The following CAPN7 variants were observed in gnomAD, a reference collection of about 807,000 sequenced individuals.
CAPN7 encodes calpain-7.
Under a neutral mutation model 115.2 loss-of-function variants are expected in CAPN7, and 72 were observed. The observed-to-expected ratio is 0.63, with a 90% CI of 0.52 to 0.76. The LOEUF (loss-of-function observed/expected upper bound fraction) is 0.76. Among genes scored for constraint, CAPN7 ranks in the 30% least tolerant of loss-of-function variants. CAPN7 has a pLI of 0.00. For synonymous variants in CAPN7, 344 were observed against 322.3 expected (o/e 1.07, Z -0.72); for missense variants, 905 against 971.5 (o/e 0.93, Z 0.91).
chr3:15,251,254 T>G lies in CAPN7; in HGVS notation c.2436T>G (p.Leu812=). ...NSIIPIKITQ[L]Q is the part of the protein sequence containing the mutation. ...TTATCCCCATCAAGATCACACAACT[T>G]CAGTGATGGAGAAATCTCAAGTTAC... Residue 812 remains leucine, a synonymous_variant, in exon 21 of 21, where the codon CTT becomes CTG. Coordinates refer to ENST00000253693, the MANE Select transcript of CAPN7 (RefSeq NM_014296.3). The G allele has an allele frequency of 6.3e-7, 1 of 1,583,580 alleles. No individual in the cohort carries two copies. Among genetic ancestry groups the G allele is most frequent in the Non-Finnish European group, 8.5e-7 (1 of 1,171,598 alleles).
chr3:15,245,777 G>A lies in CAPN7; in HGVS notation c.2010+106G>A, dbSNP rs556434780. 4.6e-4 allele frequency: 387 copies of A among 835,554 alleles called. 2 individuals carry two copies. The African/African-American group carries it at 5.0e-3, about 11-fold the overall frequency. The allele number at this position is 835,554 out of a possible 1,614,324, so 51.8% of individuals were successfully genotyped here. On this transcript the variant is annotated intron_variant, in intron 17 of 20. Coordinates refer to ENST00000253693, the MANE Select transcript of CAPN7 (RefSeq NM_014296.3). The stretch of plus-strand genomic sequence containing the variant: ...GGAGAAAAAGTTTATTTCTGAAAAT[G>A]TATTGCTCTCTTTTTTTGTGCTTAT...
At chr3:15,249,834 G>A (rs1017455249) in intron 19 of CAPN7, among the ~76,000 whole-genome samples, 6 of 149,844 alleles carry the variant, frequency 4.0e-5, no homozygotes, top group East Asian at 4.0e-4. Context: ...GTGTGATCTC[G>A]GCTCACTGCA....
rs1559413025 is a variant in CAPN7, at chr3:15,247,400, T to C, written c.2147T>C (p.Ile716Thr). 2 of 1,612,012 alleles carry C rather than the reference T, an allele frequency of 1.2e-6. No homozygotes were observed. Among genetic ancestry groups the C allele is most frequent in the Non-Finnish European group, 1.7e-6 (2 of 1,178,850 alleles). ...NFQETHKNNP[I>T]YQFHIEKTGP... is the part of the protein sequence containing the mutation. ...CAAGAGACTCACAAAAATAACCCCATCTACCAATTCCATATAGAAAAGACT... is the reference window on the plus strand; with the variant it reads ...CAAGAGACTCACAAAAATAACCCCACCTACCAATTCCATATAGAAAAGACT... The change falls in exon 19 of 21, where the codon ATC becomes ACC. Residue 716 changes from isoleucine (I) to threonine (T), a missense_variant. Ile to Thr is a moderately conservative substitution (Grantham distance 89, BLOSUM62 -1). Around this residue, in one of 3 missense-constraint regions of CAPN7, gnomAD observed 620 missense variants for 703.4 expected, o/e 0.88. Coordinates refer to ENST00000253693, the MANE Select transcript of CAPN7 (RefSeq NM_014296.3).
rs747464431 is a variant in CAPN7 at position 15,247,367 on chromosome 3, G to A, written c.2114G>A (p.Gly705Glu). The change falls in exon 19 of 21, where the codon GGA becomes GAA. Residue 705 changes from glycine (G) to glutamate (E), a missense_variant. By Grantham distance (98) the Gly-to-Glu change is moderately conservative. Around this residue, in one of 3 missense-constraint regions of CAPN7, gnomAD observed 620 missense variants for 703.4 expected, o/e 0.88. Coordinates refer to ENST00000253693, the MANE Select transcript of CAPN7 (RefSeq NM_014296.3). ...KWSGQSAGGCGNFQETHKNNP... is the reference protein window; with the variant it reads ...KWSGQSAGGCENFQETHKNNP... ...AGTGGTCAGAGTGCTGGAGGATGTG[G>A]AAATTTCCAAGAGACTCACAAAAAT... The A allele has an allele frequency of 6.2e-7, 1 of 1,609,936 alleles. No individual in the cohort carries two copies. The highest frequency in any genetic ancestry group is 1.1e-5 in the South Asian group (1 of 90,536).
chr3:15,245,501 T>A, intron 16 of CAPN7, 25 bp from the exon 17 acceptor site: 1 of 1,595,512 alleles, frequency 6.3e-7, no homozygotes, highest in South Asian at 1.1e-5. Flanking sequence ...TCTCCTTTTC[T>A]CTAAGCCTAC....
At chr3:15,249,646 T>C (rs1314561968) in intron 19 of CAPN7, among the ~76,000 whole-genome samples, 1 of 152,248 alleles carries the variant, frequency 6.6e-6, no homozygotes, top group Non-Finnish European at 1.5e-5. Flanking sequence ...TAAATGAATC[T>C]TTCCTTACTG....
chr3:15,208,890 G>A (rs1235729757), intron 1 of CAPN7, among the ~76,000 whole-genome samples: 1 of 152,116 alleles, frequency 6.6e-6, no homozygotes, highest in East Asian at 1.9e-4. Flanking sequence ...TTTTCTTTTA[G>A]AAAGATTATC....
chr3:15,249,787 G>C (rs1344915353), intron 19 of CAPN7, among the ~76,000 whole-genome samples: 2 of 148,276 alleles, frequency 1.3e-5, no homozygotes, highest in Non-Finnish European at 3.0e-5. Context: ...TTTTTTTTGA[G>C]ACAGAGTCTT....
chr3:15,251,331 C>A lies in CAPN7; in HGVS notation c.*71C>A. On this transcript the variant is annotated 3_prime_UTR_variant, in exon 21 of 21. Transcript: ENST00000253693. ...TTCTTCAAATAAGGACGCAAATCTT[C>A]AGGACAGTAAGCAGAACAATCAGAA... The A allele has an allele frequency of 8.1e-7, 1 of 1,238,640 alleles. No individual in the cohort carries two copies. Among genetic ancestry groups the A allele is most frequent in the Non-Finnish European group, 1.1e-6 (1 of 882,668 alleles). 76.7% of individuals were successfully genotyped at this position (1,238,640 alleles called of 1,614,324 possible).
chr3:15,250,792 C>G, intron 19 of CAPN7, 139 bp from the exon 20 acceptor site: 1 of 610,280 alleles, frequency 1.6e-6, no homozygotes, highest in Non-Finnish European at 2.9e-6. Context: ...GTGTTATGAT[C>G]AAAAATAGAG....
chr3:15,240,662 AAAAC>A, intron 13 of CAPN7, 45 bp downstream of exon 13: 1 of 1,561,582 alleles, frequency 6.4e-7, no homozygotes, highest in Non-Finnish European at 8.7e-7. Flanking sequence ...TCTTCAAAAA[AAAAC>A]ATGTTTTAAC....
chr3:15,206,857 C>A (rs1226174667), intron 1 of CAPN7, among the ~76,000 whole-genome samples: 3 of 152,276 alleles, frequency 2.0e-5, no homozygotes, highest in Admixed American at 2.0e-4. Context: ...CACCGTTGAG[C>A]CGCTTTGGGG....
intron 19 of CAPN7, among the ~76,000 whole-genome samples, chr3:15,250,293 C>T (rs1437003596): frequency 6.6e-6 from 1 of 151,902 alleles, no homozygotes; most frequent in Non-Finnish European, 1.5e-5. Context: ...GGGAGAATCC[C>T]GAGTCCAGGA....
intron 1 of CAPN7, 31 bp downstream of exon 1, chr3:15,206,628 T>C: frequency 6.7e-7 from 1 of 1,497,240 alleles, no homozygotes. Context: ...TCGGTCGGAG[T>C]TGCTCAGTCG....
intron 16 of CAPN7, among the ~76,000 whole-genome samples, chr3:15,243,782 A>G (rs1321687811): frequency 6.6e-6 from 1 of 151,578 alleles, no homozygotes; most frequent in East Asian, 1.9e-4. Flanking sequence ...ACTGAGGTCT[A>G]CTTGAAGTGG....
At chr3:15,238,252 T>G (rs1695119542) in intron 12 of CAPN7, among the ~76,000 whole-genome samples, 1 of 150,416 alleles carries the variant, frequency 6.6e-6, no homozygotes, top group Admixed American at 6.6e-5. Context: ...TAGCTGAGAC[T>G]ACAGGCGCCC....
At chr3:15,239,603 A>G (rs1575229298) in intron 12 of CAPN7, among the ~76,000 whole-genome samples, 1 of 152,240 alleles carries the variant, frequency 6.6e-6, no homozygotes, top group East Asian at 1.9e-4. Context: ...CTAATGTAAT[A>G]CAGATTGCTA....
chr3:15,206,555 C>G lies in CAPN7; in HGVS notation c.60C>G (p.Arg20=). The G allele has an allele frequency of 6.4e-7, 1 of 1,555,608 alleles. No individual in the cohort carries two copies. Among genetic ancestry groups the G allele is most frequent in the Non-Finnish European group, 8.7e-7 (1 of 1,149,972 alleles). The change falls in exon 1 of 21, where the codon CGC becomes CGG. Residue 20 remains arginine (R), a synonymous_variant. Coordinates refer to ENST00000253693, the MANE Select transcript of CAPN7 (RefSeq NM_014296.3). ...AVQFARLAVQ[R]DHEGRYSEAV... ...AGTTCGCCCGTCTGGCGGTTCAGCG[C>G]GACCACGAAGGCCGCTACTCCGAGG...
intron 8 of CAPN7, among the ~76,000 whole-genome samples, chr3:15,229,561 CTTTTTTTTTTTTTTTTTTTT>C (rs566957976): frequency 6.8e-5 from 6 of 87,836 alleles, no homozygotes; most frequent in Non-Finnish European, 1.3e-4. Flanking sequence ...TACTTTTTTT[CTTTTTTTTTTTTTTTTTTTT>C]TTTTTTTTGG....
Sources: allele counts gnomAD v4.1 joint callset (sites outside exome capture counted in the v4.1 genomes callset), GRCh38; gene constraint gnomAD v4.1.1; regional missense constraint gnomAD v4.1.1; transcripts MANE v1.5; gene names NCBI Gene and HGNC (gene_info 2026-07-23, HGNC 2026-07-21).